The following SEMA6D variants were observed in gnomAD, a reference collection of about 807,000 sequenced individuals.
SEMA6D encodes semaphorin 6D, also known as semaphorin-6D.
In SEMA6D, 35 loss-of-function variants were observed where a neutral mutation model predicts 106.6. The observed-to-expected ratio is 0.33, with a 90% CI of 0.25 to 0.44. SEMA6D has a LOEUF of 0.44. SEMA6D is among the 20% of genes least tolerant of loss of function. The probability of loss-of-function intolerance (pLI) is 1.00; values close to 1 mark genes in which losing one functional copy is unlikely to be tolerated. For synonymous variants in SEMA6D, 499 were observed against 487.7 expected, an observed-to-expected ratio of 1.02 and a Z score of -0.31; for missense variants, 1,185 against 1,345.9, an observed-to-expected ratio of 0.88 and a Z score of 1.87.
At chr15:47,534,887 A>G (rs1019743110) in intron 3 of SEMA6D, among the ~76,000 whole-genome samples, 3 of 152,064 alleles carry the variant, frequency 2.0e-5, no homozygotes, top group Admixed American at 1.3e-4. Flanking sequence ...CATATCTGCC[A>G]CTTTGTTCTA....
At chr15:47,762,798 G>A (rs543559900) in intron 8 of SEMA6D, among the ~76,000 whole-genome samples, 3 of 152,266 alleles carry the variant, frequency 2.0e-5, no homozygotes, top group Non-Finnish European at 4.4e-5. Context: ...TCAGTTCCCT[G>A]TAGGTCTTTT....
intron 1 of SEMA6D, among the ~76,000 whole-genome samples, chr15:47,411,628 A>G (rs1323552746): frequency 2.0e-5 from 3 of 152,198 alleles, no homozygotes; most frequent in East Asian, 3.9e-4. Context: ...ACCTTGCCCT[A>G]TTTCTGAAAC....
chr15:47,701,826 C>A (rs1379057025), intron 4 of SEMA6D, among the ~76,000 whole-genome samples: 1 of 152,080 alleles, frequency 6.6e-6, no homozygotes, highest in Non-Finnish European at 1.5e-5. Flanking sequence ...CTGGCATCCC[C>A]CACCTGGTTC....
intron 3 of SEMA6D, among the ~76,000 whole-genome samples, chr15:47,552,482 GTGTC>G (rs1329898519): frequency 1.6e-4 from 23 of 144,406 alleles, no homozygotes; most frequent in African/African-American, 4.5e-4. Context: ...GTGTGTGTGT[GTGTC>G]TGTGTGTGTA....
Position 47,309,751 on chromosome 15 carries a change from C to T in SEMA6D, c.-238-102642C>T, listed in dbSNP as rs145912752. ...TCAGAACACTTATATTAGCCTACAGCGGGCAAACTCATCTAACACAAAGTC... is the reference window on the plus strand; with the variant it reads ...TCAGAACACTTATATTAGCCTACAGTGGGCAAACTCATCTAACACAAAGTC... On this transcript the variant is annotated intron_variant, in intron 1 of 19. Transcript: ENST00000558014. 8.5e-5 allele frequency among the ~76,000 whole-genome samples: 13 copies of T among 152,206 alleles called. No individual in the cohort carries two copies. The East Asian group carries it at 2.1e-3, about 25-fold the overall frequency.
At chr15:47,431,645 G>A (rs2041526643) in intron 2 of SEMA6D, among the ~76,000 whole-genome samples, 1 of 152,112 alleles carries the variant, frequency 6.6e-6, no homozygotes, top group Non-Finnish European at 1.5e-5. Context: ...ATTGGCCCTT[G>A]AGGTCTAGCA....
chr15:47,194,984 A>G (rs1421872145), intron 1 of SEMA6D, among the ~76,000 whole-genome samples: 1 of 152,226 alleles, frequency 6.6e-6, no homozygotes. Flanking sequence ...TTACCAGAAT[A>G]GCATTACCTG....
At chr15:47,539,596 T>A (rs566818864) in intron 3 of SEMA6D, among the ~76,000 whole-genome samples, 1 of 152,242 alleles carries the variant, frequency 6.6e-6, no homozygotes, top group South Asian at 2.1e-4. Flanking sequence ...GGCTAATTTT[T>A]GTATTTTTAG....
chr15:47,766,541 G>C, intron 15 of SEMA6D, 75 bp from the exon 16 acceptor site: 1 of 1,323,242 alleles, frequency 7.6e-7, no homozygotes, highest in Non-Finnish European at 1.1e-6. Context: ...CTGTGTTCTT[G>C]GTTCTGCTCT....
At chr15:47,444,345 G>C (rs867252556) in intron 2 of SEMA6D, among the ~76,000 whole-genome samples, 1 of 152,240 alleles carries the variant, frequency 6.6e-6, no homozygotes, top group African/African-American at 2.4e-5. Flanking sequence ...ACTTTCAGTG[G>C]AGATGGGATA....
chr15:47,669,418 G>T (rs1255050989), intron 4 of SEMA6D, among the ~76,000 whole-genome samples: 2 of 152,122 alleles, frequency 1.3e-5, no homozygotes, highest in East Asian at 3.9e-4. Context: ...CTGGCATATG[G>T]TGTGTGTTTA....
chr15:47,348,234 TG>T (rs1475016542), intron 1 of SEMA6D, among the ~76,000 whole-genome samples: 1 of 152,156 alleles, frequency 6.6e-6, no homozygotes, highest in Non-Finnish European at 1.5e-5. Flanking sequence ...CCAGAATGCT[TG>T]GGTTTAAATA....
At chr15:47,642,856 G>A (rs540778418) in intron 4 of SEMA6D, among the ~76,000 whole-genome samples, 1 of 152,208 alleles carries the variant, frequency 6.6e-6, no homozygotes, top group South Asian at 2.1e-4. Context: ...GGAAAGTGGT[G>A]GAGCAGCTAG....
At chr15:47,200,644 T>G (rs1894661100) in intron 1 of SEMA6D, among the ~76,000 whole-genome samples, 1 of 152,168 alleles carries the variant, frequency 6.6e-6, no homozygotes, top group African/African-American at 2.4e-5. Flanking sequence ...CATTAAAAGT[T>G]TCTATCTGGT....
Position 47,771,856 on chromosome 15 carries a change from C to T in SEMA6D, c.*71C>T. On this transcript the variant is annotated 3_prime_UTR_variant, in exon 19 of 19. Coordinates refer to ENST00000536845, the MANE Select transcript of SEMA6D (RefSeq NM_001358351.3). Reference sequence around the variant, plus strand: ...TTGAGAGGATGATGTTGTAAGGGTACCTTAAAACAAGAGACTCGCTTGTAT... The same window carrying T: ...TTGAGAGGATGATGTTGTAAGGGTATCTTAAAACAAGAGACTCGCTTGTAT... The T allele has an allele frequency of 2.1e-6, 3 of 1,428,986 alleles. No homozygotes were observed. The highest frequency in any genetic ancestry group is 1.3e-5 in the South Asian group (1 of 74,176). The allele number at this position is 1,428,986 out of a possible 1,614,324, so 88.5% of individuals were successfully genotyped here.
chr15:47,476,540 T>C (rs1194052316), intron 3 of SEMA6D, among the ~76,000 whole-genome samples: 1 of 152,168 alleles, frequency 6.6e-6, no homozygotes, highest in Non-Finnish European at 1.5e-5. Context: ...TAAAATTATG[T>C]AGTATTTCTT....
chr15:47,676,050 A>G (rs1481123975), intron 4 of SEMA6D, among the ~76,000 whole-genome samples: 1 of 151,968 alleles, frequency 6.6e-6, no homozygotes, highest in Non-Finnish European at 1.5e-5. Flanking sequence ...ACTGTGTTTC[A>G]GCTTCTGTTG....
intron 2 of SEMA6D, among the ~76,000 whole-genome samples, chr15:47,455,698 C>G (rs1022357206): frequency 1.9e-4 from 29 of 151,938 alleles, no homozygotes; most frequent in Non-Finnish European, 1.5e-5. Context: ...TCCACTTTAA[C>G]AGCTCTGGCA....
rs79741195 is a variant in SEMA6D, at chr15:47,514,758, A to G, written c.-87+44213A>G. 3.3e-3 allele frequency among the ~76,000 whole-genome samples: 500 copies of G among 152,276 alleles called. 2 individuals carry two copies. Among genetic ancestry groups the G allele is most frequent in the African/African-American group, 0.012 (481 of 41,544 alleles). On this transcript the variant is annotated intron_variant, in intron 3 of 19. Coordinates refer to the SEMA6D transcript ENST00000558014. ...GGCCACAGTCTATTCTCAACACTTGAAAAAGCTTTCAGTGGATCCTCACTG... is the reference window on the plus strand; with the variant it reads ...GGCCACAGTCTATTCTCAACACTTGGAAAAGCTTTCAGTGGATCCTCACTG...
Sources: gnomAD v4.1 joint callset for allele counts (sites outside exome capture counted in the v4.1 genomes callset) on GRCh38, gnomAD v4.1.1 for gene constraint, MANE v1.5 for transcripts, NCBI Gene and HGNC (gene_info 2026-07-23, HGNC 2026-07-21) for gene names.